ASGR2: variants seen among roughly 807,000 people sequenced by gnomAD.
ASGR2 encodes C-type lectin domain family 4 member H2.
Under a neutral mutation model 32.3 loss-of-function variants are expected in ASGR2, and 34 were observed. That is an observed-to-expected ratio of 1.05 (90% CI 0.80 to 1.40). The LOEUF (loss-of-function observed/expected upper bound fraction) is 1.40. ASGR2 is among the 40% of genes most tolerant of loss of function. The pLI is 0.00. For synonymous variants in ASGR2, 143 were observed against 150.0 expected, an observed-to-expected ratio of 0.95 and a Z score of 0.34; for missense variants, 385 against 386.4, an observed-to-expected ratio of 1.00 and a Z score of 0.03.
At chr17:7,111,749 C>A in intron 2 of ASGR2, among the ~76,000 whole-genome samples, 1 of 151,134 alleles carries the variant, frequency 6.6e-6, no homozygotes, top group Non-Finnish European at 1.5e-5. Flanking sequence ...TAGGGCCAGG[C>A]ACTGTGGATC....
At chr17:7,114,830 A>G (rs1167775091), upstream of ASGR2, 4 of 987,654 alleles carry the variant, frequency 4.1e-6, no homozygotes, top group African/African-American at 5.2e-5. This position sits in a 1 kb window ranked among gnomAD's most constrained non-coding sequence, Gnocchi z 4.5. Flanking sequence ...AGTAAACAGA[A>G]GAGGAAACAG....
rs1914109367 is a variant in ASGR2 at position 7,108,164 on chromosome 17, A to C, written c.338-257T>G. ...CACCTGCGTGGCCGGGCCCCTCCCC[A>C]CCTCTCTCTGGCCACCCCTTACCTG... On this transcript the variant is annotated intron_variant, in intron 4 of 8. Coordinates refer to ENST00000691900, the MANE Select transcript of ASGR2 (RefSeq NM_001201352.2). The surrounding 1 kb of genome is among the most constrained non-coding windows in gnomAD (Gnocchi z 4.9). Among the ~76,000 whole-genome samples the C allele has an allele frequency of 4.0e-5, 6 of 150,332 alleles. No homozygotes were observed. The highest frequency in any genetic ancestry group is 2.0e-4 in the East Asian group (1 of 5,074).
rs1357402375 is a variant in ASGR2, at chr17:7,101,732, G to A, written c.764C>T (p.Ala255Val). 12 of 1,613,672 alleles carry A rather than the reference G, an allele frequency of 7.4e-6. No individual in the cohort carries two copies. Among genetic ancestry groups the A allele is most frequent in the South Asian group, 1.1e-5 (1 of 91,062 alleles). The change falls in exon 9 of 9, where the codon GCT becomes GTT. Residue 255 changes from alanine (A) to valine (V), a missense_variant. Coordinates refer to ENST00000691900, the MANE Select transcript of ASGR2 (RefSeq NM_001201352.2). ...GTGCCAATTATCTGGCTGAGTGACA[G>A]CCCAGTTCCTAAGGAGGCAAGAGAA... ...TDYRHNYKNW[A>V]VTQPDNWHGH...
Position 7,101,474 on chromosome 17 carries a change from C to CGGT in ASGR2, c.*100_*101insACC. 2 of 1,484,710 alleles carry CGGT rather than the reference C, an allele frequency of 1.3e-6. No homozygotes were observed. Among genetic ancestry groups the CGGT allele is most frequent in the South Asian group, 2.6e-5 (2 of 76,016 alleles). The allele number at this position is 1,484,710 out of a possible 1,614,324, so 92.0% of individuals were successfully genotyped here. ...TTTCTCTCTTTGCTCAGCTCTTCCCCATACCCCTGTCTCAGTGTTTCTTCC... is the reference window on the plus strand; with the variant it reads ...TTTCTCTCTTTGCTCAGCTCTTCCCCGGTATACCCCTGTCTCAGTGTTTCTTCC... On this transcript the variant is annotated 3_prime_UTR_variant, in exon 9 of 9. Coordinates refer to ENST00000691900, the MANE Select transcript of ASGR2 (RefSeq NM_001201352.2).
chr17:7,103,908 T>G (rs894583639), intron 7 of ASGR2, among the ~76,000 whole-genome samples: 2 of 151,804 alleles, frequency 1.3e-5, no homozygotes, highest in East Asian at 3.9e-4. Context: ...ATTAGGTATA[T>G]CTCCTAATGC....
In ASGR2 at chr17:7,107,862, T is replaced by C. The variant is rs560425140; in HGVS notation, c.383A>G (p.Glu128Gly). ...TGCTTTCAGGTCCTGCTGCTGTTTC[T>C]CCAGCTTGGCTCCTAGGGATGTGAT... is the stretch of plus-strand genomic sequence containing the variant. ...DKITSLGAKLEKQQQDLKADH... is the reference protein window; with the variant it reads ...DKITSLGAKLGKQQQDLKADH... The change falls in exon 5 of 9, where the codon GAG (glutamate) becomes GGG (glycine). Residue 128 changes from glutamate (E) to glycine (G), a missense_variant. By Grantham distance (98) the Glu-to-Gly change is moderately conservative (BLOSUM62 -2). Coordinates refer to ENST00000691900, the MANE Select transcript of ASGR2 (RefSeq NM_001201352.2). The surrounding 1 kb of genome is among the most constrained non-coding windows in gnomAD (Gnocchi z 5.0). 1 of 1,612,458 alleles carries C rather than the reference T, an allele frequency of 6.2e-7. No homozygotes were observed. Among genetic ancestry groups the C allele is most frequent in the East Asian group, 2.3e-5 (1 of 43,514 alleles).
Position 7,108,901 on chromosome 17 carries a change from G to A in ASGR2, c.125-13C>T, listed in dbSNP as rs1914246126. The stretch of plus-strand genomic sequence containing the variant: ...GCAGGAGGTGGCCCTGTGGGAGAGG[G>A]GCATCAGGAGCCGGCAGCCTGGGTG... On this transcript the variant is annotated splice_polypyrimidine_tract_variant and intron_variant, in intron 2 of 8. Transcript: ENST00000691900. The surrounding 1 kb of genome is among the most constrained non-coding windows in gnomAD (Gnocchi z 4.9). The A allele has an allele frequency of 1.5e-5, 24 of 1,563,056 alleles. No homozygotes were observed. The highest frequency in any genetic ancestry group is 2.1e-5 in the Non-Finnish European group (24 of 1,154,274).
At chr17:7,109,373 G>A (rs1210179995) in intron 2 of ASGR2, among the ~76,000 whole-genome samples, 1 of 152,008 alleles carries the variant, frequency 6.6e-6, no homozygotes, top group East Asian at 1.9e-4. Flanking sequence ...TCCAGAAGCT[G>A]GGCCCTGTGT....
upstream of ASGR2, chr17:7,114,835 AAACAGAGCTGT>A: frequency 1.0e-6 from 1 of 987,636 alleles, no homozygotes; most frequent in Non-Finnish European, 1.2e-6. The surrounding 1 kb of genome is among the most constrained non-coding windows in gnomAD (Gnocchi z 4.5). Flanking sequence ...ACAGAAGAGG[AAACAGAGCTGT>A]AACTCATTTG....
At chr17:7,104,623 C>T (rs934784582) in intron 7 of ASGR2, among the ~76,000 whole-genome samples, 1 of 151,994 alleles carries the variant, frequency 6.6e-6, no homozygotes, top group Non-Finnish European at 1.5e-5. Flanking sequence ...TGCACTCCAG[C>T]CTGGGCGAAA....
rs1190746891 is a variant in ASGR2 at position 7,107,030 on chromosome 17, G to T, written c.618C>A (p.His206Gln). ...CCTCCCAGGAGTTGATGACCACCAGGTGTGCGTTCTCCAGCTGGCAGTACT... is the reference window on the plus strand; with the variant it reads ...CCTCCCAGGAGTTGATGACCACCAGTTGTGCGTTCTCCAGCTGGCAGTACT... ...AEKYCQLENAHLVVINSWEEQ... is the reference protein window; with the variant it reads ...AEKYCQLENAQLVVINSWEEQ... Residue 206 changes from histidine (H) to glutamine (Q), a missense_variant, in exon 7 of 9, where the codon CAC becomes CAA. His to Gln is a conservative substitution (Grantham distance 24, BLOSUM62 0). Coordinates refer to ENST00000691900, the MANE Select transcript of ASGR2 (RefSeq NM_001201352.2). The surrounding 1 kb of genome is among the most constrained non-coding windows in gnomAD (Gnocchi z 5.0). 2 of 1,614,078 alleles carry T rather than the reference G, an allele frequency of 1.2e-6. No individual in the cohort carries two copies. The highest frequency in any genetic ancestry group is 2.7e-5 in the African/African-American group (2 of 74,926).
chr17:7,107,349 A>G lies in ASGR2; in HGVS notation c.410-32T>C. 6 of 1,605,722 alleles carry G rather than the reference A, an allele frequency of 3.7e-6. No individual in the cohort carries two copies. The highest frequency in any genetic ancestry group is 5.1e-6 in the Non-Finnish European group (6 of 1,178,486). On this transcript the variant is annotated intron_variant, in intron 5 of 8. Transcript: ENST00000691900. The surrounding 1 kb of genome is among the most constrained non-coding windows in gnomAD (Gnocchi z 5.0). Reference sequence around the variant, plus strand: ...CAGACAGGCTGAAAGTGCTGCCGGCAGGTGTGGTCCCCACCTGCTAGGCTC... The same window carrying G: ...CAGACAGGCTGAAAGTGCTGCCGGCGGGTGTGGTCCCCACCTGCTAGGCTC...
rs12940728 is a variant in ASGR2, at chr17:7,108,134, C to T, written c.338-227G>A. Among the ~76,000 whole-genome samples the T allele has an allele frequency of 0.24, 35,860 of 152,040 alleles. 4,611 individuals carry two copies. The highest frequency in any genetic ancestry group is 0.37 in the Middle Eastern group (108 of 292). On this transcript the variant is annotated intron_variant, in intron 4 of 8. Coordinates refer to ENST00000691900, the MANE Select transcript of ASGR2 (RefSeq NM_001201352.2). This position sits in a 1 kb window ranked among gnomAD's most constrained non-coding sequence, Gnocchi z 4.9. ...AAAATAAAGCCTCGCTCTGTCAGCA[C>T]GGCTCACCTGCGTGGCCGGGCCCCT...
chr17:7,107,472 C>T lies in ASGR2; in HGVS notation c.410-155G>A. 1 of 753,842 alleles carries T rather than the reference C, an allele frequency of 1.3e-6. No individual in the cohort carries two copies. The highest frequency in any genetic ancestry group is 2.2e-6 in the Non-Finnish European group (1 of 454,150). 46.7% of individuals were successfully genotyped at this position (753,842 alleles called of 1,614,324 possible). On this transcript the variant is annotated intron_variant, in intron 5 of 8. Coordinates refer to ENST00000691900, the MANE Select transcript of ASGR2 (RefSeq NM_001201352.2). This position sits in a 1 kb window ranked among gnomAD's most constrained non-coding sequence, Gnocchi z 5.0. ...CACACACACACCACAGACATGTACA[C>T]CACACATAGACCACACCACACACAG...
In ASGR2 at chr17:7,113,341, C is replaced by T. The variant is rs1042478802; in HGVS notation, c.124+776G>A. ...ATACACACACTAACACACACACTCA[C>T]GCAACACACTCACACACACAACATA... On this transcript the variant is annotated intron_variant, in intron 2 of 8. Coordinates refer to ENST00000691900, the MANE Select transcript of ASGR2 (RefSeq NM_001201352.2). This position sits in a 1 kb window ranked among gnomAD's most constrained non-coding sequence, Gnocchi z 5.1. Among the ~76,000 whole-genome samples, 17 of 148,548 alleles carry T rather than the reference C, an allele frequency of 1.1e-4. No individual in the cohort carries two copies. The highest frequency in any genetic ancestry group is 5.4e-4 in the Admixed American group (8 of 14,828).
chr17:7,114,255 T>C lies in ASGR2; in HGVS notation c.-15A>G. On this transcript the variant is annotated 5_prime_UTR_variant, in exon 2 of 9. Transcript: ENST00000691900. This position sits in a 1 kb window ranked among gnomAD's most constrained non-coding sequence, Gnocchi z 4.5. ...TCCTTGGCCATGATGGGGCCCGGGC[T>C]GGAGCTGGAGCTGGAGCTGGGCTGG... is the stretch of plus-strand genomic sequence containing the variant. 6.2e-7 allele frequency: 1 copy of C among 1,611,974 alleles called. No homozygotes were observed. The highest frequency in any genetic ancestry group is 1.3e-5 in the African/African-American group (1 of 74,958).
In ASGR2 at chr17:7,111,525, A is replaced by G. The variant is rs564043703; in HGVS notation, c.124+2592T>C. On this transcript the variant is annotated intron_variant, in intron 2 of 8. Transcript: ENST00000691900. ...CAAAAAATTAGCCAGACGTGGTGGC[A>G]GGCGCCTGTAGTCCCAGCTACTCGG... Among the ~76,000 whole-genome samples the G allele has an allele frequency of 4.8e-3, 724 of 152,058 alleles. 2 individuals carry two copies. The highest frequency in any genetic ancestry group is 0.024 in the Middle Eastern group (7 of 294).
At position 7,101,721 on chromosome 17, in the gene ASGR2, G is replaced by A. The variant is rs558720070; in HGVS notation, c.775C>T (p.Pro259Ser). 1 of 1,614,072 alleles carries A rather than the reference G, an allele frequency of 6.2e-7. No homozygotes were observed. Among genetic ancestry groups the A allele is most frequent in the South Asian group, 1.1e-5 (1 of 91,066 alleles). The change falls in exon 9 of 9, where the codon CCA becomes TCA. Residue 259 changes from proline to serine, a missense_variant. By Grantham distance (74) the Pro-to-Ser change is moderately conservative. Coordinates refer to ENST00000691900, the MANE Select transcript of ASGR2 (RefSeq NM_001201352.2). ...HNYKNWAVTQ[P>S]DNWHGHELGG... The stretch of plus-strand genomic sequence containing the variant: ...AGCTCGTGCCCGTGCCAATTATCTG[G>A]CTGAGTGACAGCCCAGTTCCTAAGG...
chr17:7,111,058 T>C (rs1288592434), intron 2 of ASGR2, among the ~76,000 whole-genome samples: 1 of 152,108 alleles, frequency 6.6e-6, no homozygotes, highest in Non-Finnish European at 1.5e-5. Flanking sequence ...GGAGCAAAGC[T>C]CAAGAACATT....
Sources: gnomAD v4.1 joint callset for allele counts (sites outside exome capture counted in the v4.1 genomes callset) on GRCh38, gnomAD v4.1.1 for gene constraint, Gnocchi (gnomAD v3.1) non-coding constraint, MANE v1.5 for transcripts, NCBI Gene and HGNC (gene_info 2026-07-23, HGNC 2026-07-21) for gene names.